MILR1: variants seen among roughly 807,000 people sequenced by gnomAD.
MILR1 encodes allergin-1.
Under a neutral mutation model 18.5 loss-of-function variants are expected in MILR1, and 31 were observed. The observed-to-expected ratio is 1.68, with a 90% CI of 1.26 to 2.26. MILR1 has a LOEUF of 2.26. Among genes scored for constraint, MILR1 ranks in the 30% most tolerant of loss-of-function variants. MILR1 has a pLI of 0.00. For synonymous variants in MILR1, 85 were observed against 56.2 expected (o/e 1.51, Z -2.30); for missense variants, 257 against 157.4 (o/e 1.63, Z -3.38).
At chr17:64,479,853 T>C in the MILR1 span, among the ~76,000 whole-genome samples, 17 of 152,288 alleles carry the variant, frequency 1.1e-4, no homozygotes, top group South Asian at 3.1e-3. Context: ...TCTTGAGCAA[T>C]TGGGTGAACA....
chr17:64,460,324 C>T (rs900998894), intron 4 of MILR1, among the ~76,000 whole-genome samples: 710 of 151,860 alleles, frequency 4.7e-3, no homozygotes, highest in Non-Finnish European at 7.9e-3. Flanking sequence ...CTGAGCTCAA[C>T]CTATTTTTGT....
intron 2 of MILR1, among the ~76,000 whole-genome samples, 170 bp from the exon 3 acceptor site, chr17:64,452,427 A>AT (rs2037194733): frequency 6.6e-6 from 1 of 151,604 alleles, no homozygotes; most frequent in African/African-American, 2.4e-5. Flanking sequence ...TAATTTTTGT[A>AT]TTTTTAGTAG....
chr17:64,496,631 T>G, the MILR1 span: 1 of 1,613,594 alleles, frequency 6.2e-7, no homozygotes, highest in South Asian at 1.1e-5. Context: ...GGTCCACCAT[T>G]CTGCGGCCAG....
At chr17:64,477,346 G>A in the MILR1 span, among the ~76,000 whole-genome samples, 1 of 152,204 alleles carries the variant, frequency 6.6e-6, no homozygotes, top group African/African-American at 2.4e-5. Context: ...CGACTGGGAT[G>A]TCTGGAAAAG....
chr17:64,449,802 A>C (rs2037125128), intron 2 of MILR1, among the ~76,000 whole-genome samples: 1 of 152,206 alleles, frequency 6.6e-6, no homozygotes, highest in African/African-American at 2.4e-5. Flanking sequence ...AAAAACCCAC[A>C]GAATTATTGT....
chr17:64,450,201 G>C (rs2037137497), intron 2 of MILR1, among the ~76,000 whole-genome samples: 1 of 152,148 alleles, frequency 6.6e-6, no homozygotes, highest in African/African-American at 2.4e-5. Flanking sequence ...GCCTCCCAAA[G>C]TGCTGGGATT....
the MILR1 span, chr17:64,497,158 C>G: frequency 2.0e-5 from 13 of 660,910 alleles, no homozygotes; most frequent in Non-Finnish European, 3.5e-5. Flanking sequence ...CCCACCATGG[C>G]GGACGCCGGC....
At chr17:64,469,976 TG>T (rs1251371203), downstream of MILR1, among the ~76,000 whole-genome samples, 3 of 152,054 alleles carry the variant, frequency 2.0e-5, no homozygotes, top group Admixed American at 6.6e-5. Context: ...TCCTGGGGGA[TG>T]GGGGCAGGGG....
the MILR1 span, chr17:64,497,126 T>A: frequency 2.6e-6 from 2 of 756,854 alleles, no homozygotes; most frequent in Non-Finnish European, 4.5e-6. Context: ...CATGTCTGCG[T>A]TCCGGCCGCA....
the MILR1 span, chr17:64,490,480 C>T: frequency 6.0e-5 from 21 of 351,534 alleles, no homozygotes; most frequent in Middle Eastern, 9.5e-4. Flanking sequence ...GTCAAGGTCA[C>T]GCAAGACAAG....
chr17:64,463,699 G>A (rs935686611), intron 5 of MILR1, among the ~76,000 whole-genome samples: 1 of 151,888 alleles, frequency 6.6e-6, no homozygotes, highest in Admixed American at 6.6e-5. Flanking sequence ...TTTTAGAGAT[G>A]GGGCTTCACT....
intron 5 of MILR1, among the ~76,000 whole-genome samples, chr17:64,465,013 A>G (rs1207152107): frequency 3.3e-5 from 5 of 152,176 alleles, no homozygotes; most frequent in African/African-American, 9.6e-5. Flanking sequence ...GCTTGAAACC[A>G]GGATGCGGAG....
At chr17:64,491,375 A>G in the MILR1 span, 90,140 of 555,518 alleles carry the variant, frequency 0.16, 16,688 homozygotes, top group African/African-American at 0.7. Context: ...CAGGGGGATC[A>G]CTTGAGCTTA....
chr17:64,487,888 T>TGGATATCCAACAATGTCA, the MILR1 span, among the ~76,000 whole-genome samples: 1 of 152,160 alleles, frequency 6.6e-6, no homozygotes, highest in Admixed American at 6.5e-5. Context: ...TTTTGAAAAT[T>TGGATATCCAACAATGTCA]GGATATCCAA....
downstream of MILR1, among the ~76,000 whole-genome samples, chr17:64,473,508 T>C (rs2037723163): frequency 6.6e-6 from 1 of 152,098 alleles, no homozygotes; most frequent in Admixed American, 6.6e-5. Flanking sequence ...AATGGACTAG[T>C]GCCTTACCTC....
the MILR1 span, chr17:64,482,936 T>C: frequency 6.3e-7 from 1 of 1,592,330 alleles, no homozygotes; most frequent in African/African-American, 1.3e-5. Flanking sequence ...AGTTCCAATG[T>C]GGGGCCTCTT....
At chr17:64,462,743 C>T (rs1186197119) in intron 5 of MILR1, among the ~76,000 whole-genome samples, 5 of 151,352 alleles carry the variant, frequency 3.3e-5, no homozygotes, top group African/African-American at 9.7e-5. Flanking sequence ...CTGGTTCAAG[C>T]GATTCTCCTG....
chr17:64,468,235 C>T (rs1257851966), intron 9 of MILR1, 75 bp from the exon 10 acceptor site: 1 of 455,816 alleles, frequency 2.2e-6, no homozygotes, highest in Non-Finnish European at 4.4e-6. Context: ...CTTGTGGTTG[C>T]CTCCCTTCAA....
chr17:64,485,796 C>T, the MILR1 span: 1 of 1,612,680 alleles, frequency 6.2e-7, no homozygotes, highest in South Asian at 1.1e-5. Flanking sequence ...TAGAGGTAGG[C>T]CAGCATGCCT....
Sources: gnomAD v4.1 joint callset for allele counts (sites outside exome capture counted in the v4.1 genomes callset) on GRCh38, gnomAD v4.1.1 for gene constraint, MANE v1.5 for transcripts, NCBI Gene and HGNC (gene_info 2026-07-23, HGNC 2026-07-21) for gene names.